Variants in GRIK3 observed in about 807,000 individuals in gnomAD.
GRIK3 encodes glutamate receptor ionotropic, kainate 3.
In GRIK3, 29 loss-of-function variants were observed where a neutral mutation model predicts 102.5. The ratio of observed to expected loss-of-function variants is 0.28; its 90% CI spans 0.21 to 0.39. The LOEUF is 0.39. GRIK3 is among the 10% of genes least tolerant of loss of function. The pLI is 1.00. For synonymous variants in GRIK3, 511 were observed against 504.9 expected (o/e 1.01, Z -0.16); for missense variants, 908 against 1,252.4 (o/e 0.73, Z 4.15).
intron 5 of GRIK3, among the ~76,000 whole-genome samples, chr1:36,863,242 A>G (rs998593526): frequency 1.3e-5 from 2 of 151,940 alleles, no homozygotes; most frequent in Non-Finnish European, 2.9e-5. Context: ...ATGATGACGC[A>G]TCTCCTCCTA....
intron 1 of GRIK3, among the ~76,000 whole-genome samples, chr1:36,892,681 A>G (rs1641130954): frequency 6.6e-6 from 1 of 152,238 alleles, no homozygotes; most frequent in African/African-American, 2.4e-5. Flanking sequence ...TTTTCCTGAT[A>G]AAATGACTCT....
intron 13 of GRIK3, among the ~76,000 whole-genome samples, chr1:36,813,952 C>T (rs1642592424): frequency 6.6e-6 from 1 of 152,140 alleles, no homozygotes; most frequent in Non-Finnish European, 1.5e-5. Flanking sequence ...ACCATAGGGA[C>T]AGGAAGAAAG....
At chr1:36,842,415 T>C (rs526214) in intron 9 of GRIK3, among the ~76,000 whole-genome samples, 31,343 of 152,188 alleles carry the variant, frequency 0.21, 4,027 homozygotes, top group African/African-American at 0.37. Flanking sequence ...TTCAGAAGCC[T>C]TCCAGGGAAT....
intron 1 of GRIK3, among the ~76,000 whole-genome samples, chr1:36,949,031 C>T (rs74064816): frequency 0.041 from 6,273 of 152,158 alleles, 434 homozygotes; most frequent in African/African-American, 0.14. Flanking sequence ...AAGGGCAGCA[C>T]GCAGTCTATG....
Position 36,863,017 on chromosome 1 carries a change from A to G in GRIK3, c.787-3000T>C, listed in dbSNP as rs374171302. Among the ~76,000 whole-genome samples, 14 of 152,328 alleles carry G rather than the reference A, an allele frequency of 9.2e-5. No individual in the cohort carries two copies. In the East Asian group the frequency reaches 2.3e-3, roughly 25 times the overall value. On this transcript the variant is annotated intron_variant, in intron 5 of 15. Coordinates refer to ENST00000373091, the MANE Select transcript of GRIK3 (RefSeq NM_000831.4). Reference sequence around the variant, plus strand: ...GTCAGCTCACATTTACTGAGCACCTACAAATCTCAGAATGGCAGGCATTGT... The same window carrying G: ...GTCAGCTCACATTTACTGAGCACCTGCAAATCTCAGAATGGCAGGCATTGT...
chr1:36,861,423 C>A (rs907616292), intron 5 of GRIK3, among the ~76,000 whole-genome samples: 2 of 152,124 alleles, frequency 1.3e-5, no homozygotes, highest in African/African-American at 4.8e-5. Context: ...TCCCCTGGGC[C>A]CCCCACTTAG....
chr1:36,813,792 G>A (rs910284449), intron 13 of GRIK3, among the ~76,000 whole-genome samples: 3 of 149,526 alleles, frequency 2.0e-5, no homozygotes, highest in East Asian at 1.9e-4. Context: ...CATCTGAGGT[G>A]GGGGGGCAGT....
At chr1:36,870,400 T>C (rs1357861257) in intron 4 of GRIK3, among the ~76,000 whole-genome samples, 1 of 152,248 alleles carries the variant, frequency 6.6e-6, no homozygotes, top group Non-Finnish European at 1.5e-5. Context: ...CTGCACTATC[T>C]ATAGTTTATG....
chr1:36,989,375 A>AGAGGAGGAG (rs941209338), intron 1 of GRIK3, among the ~76,000 whole-genome samples: 1 of 151,892 alleles, frequency 6.6e-6, no homozygotes. Context: ...TCCAGCTGGC[A>AGAGGAGGAG]GAGGAGGAGG....
At chr1:37,013,813 A>C (rs564913518) in intron 1 of GRIK3, among the ~76,000 whole-genome samples, 20 of 152,336 alleles carry the variant, frequency 1.3e-4, no homozygotes, top group African/African-American at 4.6e-4. Context: ...CTACAGTGTG[A>C]GGCTGGCCTG....
chr1:36,916,840 G>A (rs1641407288), intron 1 of GRIK3, among the ~76,000 whole-genome samples: 1 of 152,212 alleles, frequency 6.6e-6, no homozygotes, highest in Non-Finnish European at 1.5e-5. Context: ...AGCGCAGAAG[G>A]GAAATGTGGG....
intron 10 of GRIK3, among the ~76,000 whole-genome samples, chr1:36,831,933 C>T (rs968884249): frequency 2.6e-5 from 4 of 152,128 alleles, no homozygotes; most frequent in Non-Finnish European, 4.4e-5. Flanking sequence ...CTCTTACCTC[C>T]GGATGCTGCA....
rs1349305808 is a variant in GRIK3, at chr1:36,948,090, T to C, written c.116-56994A>G. On this transcript the variant is annotated intron_variant, in intron 1 of 15. Transcript: ENST00000373091. ...TGGCTGTCGGTTCTTTAAATAAGAA[T>C]AAAAGGTTTGTGTCTCCCTTACTCT... Among the ~76,000 whole-genome samples, 2 of 152,204 alleles carry C rather than the reference T, an allele frequency of 1.3e-5. 1 individual carries two copies. The highest frequency in any genetic ancestry group is 2.9e-5 in the Non-Finnish European group (2 of 68,040).
intron 1 of GRIK3, among the ~76,000 whole-genome samples, chr1:36,958,627 G>A (rs370852200): frequency 2.5e-4 from 36 of 141,516 alleles, no homozygotes; most frequent in African/African-American, 9.3e-4. Flanking sequence ...GTGAGCCTGT[G>A]TGCCCTGTGA....
intron 1 of GRIK3, among the ~76,000 whole-genome samples, chr1:36,905,391 C>T (rs896827558): frequency 2.0e-5 from 3 of 150,534 alleles, no homozygotes; most frequent in African/African-American, 7.3e-5. Flanking sequence ...AAAATGTTAA[C>T]AGAAGTTCTT....
At chr1:36,998,451 C>G (rs1340190885) in intron 1 of GRIK3, among the ~76,000 whole-genome samples, 1 of 152,224 alleles carries the variant, frequency 6.6e-6, no homozygotes, top group Non-Finnish European at 1.5e-5. Flanking sequence ...GACTCTGTAT[C>G]TCTAGCATCA....
intron 1 of GRIK3, among the ~76,000 whole-genome samples, chr1:37,005,963 G>A (rs1287021208): frequency 6.6e-6 from 1 of 152,150 alleles, no homozygotes; most frequent in African/African-American, 2.4e-5. Context: ...CAGGGAGGGT[G>A]AGGTGACCTG....
intron 1 of GRIK3, among the ~76,000 whole-genome samples, chr1:36,955,305 A>G (rs1641893061): frequency 1.3e-5 from 2 of 152,154 alleles, no homozygotes; most frequent in Non-Finnish European, 2.9e-5. Context: ...GGTGGGGTAC[A>G]GGGGCTGGGC....
At chr1:37,012,803 A>G (rs1011834336) in intron 1 of GRIK3, among the ~76,000 whole-genome samples, 1 of 152,212 alleles carries the variant, frequency 6.6e-6, no homozygotes, top group African/African-American at 2.4e-5. Flanking sequence ...CAGTTTCTTC[A>G]TGTGCAAACT....
Sources: gnomAD v4.1 joint callset for allele counts (sites outside exome capture counted in the v4.1 genomes callset) on GRCh38, gnomAD v4.1.1 for gene constraint, MANE v1.5 for transcripts, NCBI Gene and HGNC (gene_info 2026-07-23, HGNC 2026-07-21) for gene names.